Variants in CRAMP1 observed in about 807,000 individuals in gnomAD.
The protein encoded by CRAMP1 is cramped chromatin regulator 1, also known as protein cramped-like.
A neutral mutation model predicts 115.4 loss-of-function variants in CRAMP1; 50 were observed. That is an observed-to-expected ratio of 0.43 (90% CI 0.35 to 0.55). The LOEUF (loss-of-function observed/expected upper bound fraction) is 0.55, where lower values mean the gene tolerates loss of function less well. Ranked by LOEUF, CRAMP1 falls within the 20% of genes least tolerant of loss-of-function variation. The probability of loss-of-function intolerance (pLI) is 0.01; values close to 1 mark genes in which losing one functional copy is unlikely to be tolerated. For missense variants in CRAMP1, 1,679 were observed against 1,721.7 expected (o/e 0.98, Z 0.44); for synonymous variants, 866 against 745.4 (o/e 1.16, Z -2.64).
In CRAMP1 at chr16:1,652,929, G is replaced by A. The variant is rs767637839; in HGVS notation, c.914-104G>A. On this transcript the variant is annotated intron_variant, in intron 7 of 20. Transcript: ENST00000397412. ...TGCTCTCCTTGCCTCTGTTTGCAAG[G>A]CCATCTGCTCACAGCTGATTTCACT... 22 of 1,373,804 alleles carry A rather than the reference G, an allele frequency of 1.6e-5. No individual in the cohort carries two copies. The African/African-American group carries it at 2.2e-4, about 13-fold the overall frequency. 85.1% of individuals were successfully genotyped at this position (1,373,804 alleles called of 1,614,324 possible). A position where few individuals can be genotyped will look rare whatever the true frequency, so the allele number is the denominator to read the frequency against.
chr16:1,621,978 C>T (rs532282171), intron 2 of CRAMP1, among the ~76,000 whole-genome samples: 3 of 152,288 alleles, frequency 2.0e-5, no homozygotes, highest in East Asian at 3.9e-4. Context: ...CTGTCTTCCC[C>T]TTCAGTCATC....
chr16:1,637,051 G>C (rs1188113181), intron 4 of CRAMP1, among the ~76,000 whole-genome samples: 5 of 152,318 alleles, frequency 3.3e-5, no homozygotes, highest in Admixed American at 1.3e-4. Context: ...CCAGCACTTT[G>C]GGAGGTTGAG....
chr16:1,651,325 TCACA>T (rs1298279062), intron 6 of CRAMP1, among the ~76,000 whole-genome samples: 1 of 146,494 alleles, frequency 6.8e-6, no homozygotes, highest in Non-Finnish European at 1.5e-5. Context: ...GACTGAGAGG[TCACA>T]CAGAGGTCAT....
At chr16:1,649,245 T>C (rs2036702467) in intron 6 of CRAMP1, among the ~76,000 whole-genome samples, 2 of 152,128 alleles carry the variant, frequency 1.3e-5, no homozygotes, top group Admixed American at 1.3e-4. Context: ...TTTGGTATCC[T>C]GTGTTTGATT....
At chr16:1,661,768 G>A (rs922183465) in intron 11 of CRAMP1, among the ~76,000 whole-genome samples, 2 of 151,996 alleles carry the variant, frequency 1.3e-5, no homozygotes, top group Non-Finnish European at 1.5e-5. Context: ...GGTAATTTTT[G>A]TTTTCAGTAG....
chr16:1,653,129 A>G lies in CRAMP1; in HGVS notation c.1010A>G (p.Gln337Arg). ...PRNNHAWARVQSLAQNPRLRM... is the reference protein window; with the variant it reads ...PRNNHAWARVRSLAQNPRLRM... ...AACAACCACGCCTGGGCCCGTGTGC[A>G]GAGCCTTGCCCAGAACCCACGCCTC... is the stretch of plus-strand genomic sequence containing the variant. The change falls in exon 8 of 21, where the codon CAG (glutamine) becomes CGG (arginine). Residue 337 changes from glutamine (Q) to arginine (R), a missense_variant. Gln to Arg is a conservative substitution (Grantham distance 43). Transcript: ENST00000397412. 1 of 1,610,772 alleles carries G rather than the reference A, an allele frequency of 6.2e-7. No homozygotes were observed.
Position 1,656,757 on chromosome 16 carries a change from G to A in CRAMP1, c.2000G>A (p.Ser667Asn). The A allele has an allele frequency of 6.5e-7, 1 of 1,548,300 alleles. No homozygotes were observed. Among genetic ancestry groups the A allele is most frequent in the Non-Finnish European group, 8.7e-7 (1 of 1,145,438 alleles). ...AARPPKEVPA[S>N]RLAQQLREEG... ...AGGCCCCCGAAGGAGGTCCCCGCCAGCCGGCTGGCTCAGCAGCTCCGTGAG... is the reference window on the plus strand; with the variant it reads ...AGGCCCCCGAAGGAGGTCCCCGCCAACCGGCTGGCTCAGCAGCTCCGTGAG... Residue 667 changes from serine to asparagine, a missense_variant, in exon 10 of 21, where the codon AGC becomes AAC. Physicochemically the swap from Ser to Asn is conservative, Grantham distance 46. Transcript: ENST00000397412. This position sits in a 1 kb window ranked among gnomAD's most constrained non-coding sequence, Gnocchi z 5.6.
rs1243678608 is a variant in CRAMP1 at position 1,656,885 on chromosome 16, C to T, written c.2128C>T (p.Pro710Ser). 1 of 1,551,022 alleles carries T rather than the reference C, an allele frequency of 6.4e-7. No individual in the cohort carries two copies. ...KLQLEYDWLGPGRQDPRPGSL... is the reference protein window; with the variant it reads ...KLQLEYDWLGSGRQDPRPGSL... ...GCAGCTGGAGTACGACTGGCTGGGGCCCGGCCGCCAGGACCCCCGCCCCGG... is the reference window on the plus strand; with the variant it reads ...GCAGCTGGAGTACGACTGGCTGGGGTCCGGCCGCCAGGACCCCCGCCCCGG... Residue 710 changes from proline (P) to serine (S), a missense_variant, in exon 10 of 21, where the codon CCC (proline) becomes TCC (serine). Pro to Ser is a moderately conservative substitution (Grantham distance 74, BLOSUM62 -1). Transcript: ENST00000397412. This position sits in a 1 kb window ranked among gnomAD's most constrained non-coding sequence, Gnocchi z 5.6.
intron 3 of CRAMP1, among the ~76,000 whole-genome samples, chr16:1,627,049 A>T (rs2142174249): frequency 6.6e-6 from 1 of 152,322 alleles, no homozygotes; most frequent in Non-Finnish European, 1.5e-5. Flanking sequence ...CTGTTGTCGT[A>T]AGTAACGCTG....
chr16:1,664,671 C>T (rs890901109), intron 13 of CRAMP1, among the ~76,000 whole-genome samples: 6 of 151,722 alleles, frequency 4.0e-5, no homozygotes, highest in South Asian at 2.1e-4. Context: ...CCCAGCTACT[C>T]GGGAGGCTGA....
intron 8 of CRAMP1, 104 bp downstream of exon 8, chr16:1,653,260 C>A: frequency 1.5e-6 from 2 of 1,329,312 alleles, no homozygotes; most frequent in Admixed American, 2.2e-5. Flanking sequence ...AGCAGGTCCA[C>A]CCCTATGCTC....
intron 2 of CRAMP1, among the ~76,000 whole-genome samples, chr16:1,624,636 T>G (rs751431194): frequency 2.0e-5 from 3 of 152,172 alleles, no homozygotes; most frequent in Non-Finnish European, 2.9e-5. Context: ...TGGAGTGCAG[T>G]GGCGCGATCT....
At chr16:1,634,607 G>C (rs939462853) in intron 4 of CRAMP1, among the ~76,000 whole-genome samples, 1 of 152,084 alleles carries the variant, frequency 6.6e-6, no homozygotes, top group African/African-American at 2.4e-5. Flanking sequence ...TCTCCTGTTC[G>C]TGCATCTTTG....
chr16:1,633,918 A>G (rs1018534936), intron 4 of CRAMP1, among the ~76,000 whole-genome samples: 13 of 152,060 alleles, frequency 8.5e-5, no homozygotes, highest in Non-Finnish European at 1.8e-4. Context: ...AAATACAAAA[A>G]TTAGCTGGGC....
Position 1,657,067 on chromosome 16 carries a change from G to A in CRAMP1, c.2235+75G>A, listed in dbSNP as rs1321165788. On this transcript the variant is annotated intron_variant, in intron 10 of 20. Transcript: ENST00000397412. Reference sequence around the variant, plus strand: ...CCAGCCTTGGAGGGCTCCCTGCTGGGTAGCTAGGGCCAGCACGGTTGGGGT... The same window carrying A: ...CCAGCCTTGGAGGGCTCCCTGCTGGATAGCTAGGGCCAGCACGGTTGGGGT... 93 of 1,318,648 alleles carry A rather than the reference G, an allele frequency of 7.1e-5. No individual in the cohort carries two copies. The Admixed American group carries it at 2.5e-3, about 35-fold the overall frequency. The allele number at this position is 1,318,648 out of a possible 1,614,324, so 81.7% of individuals were successfully genotyped here. A position where few individuals can be genotyped will look rare whatever the true frequency, so the allele number is the denominator to read the frequency against.
chr16:1,626,293 G>T, intron 3 of CRAMP1, 127 bp downstream of exon 3: 2 of 846,256 alleles, frequency 2.4e-6, no homozygotes. Context: ...CCCCCGCAGT[G>T]GCGGAGGCTG....
At chr16:1,642,896 C>G (rs1567453563) in intron 6 of CRAMP1, among the ~76,000 whole-genome samples, 1 of 152,222 alleles carries the variant, frequency 6.6e-6, no homozygotes, top group East Asian at 1.9e-4. Flanking sequence ...TGCCAAAACA[C>G]AGATGTGCTG....
At chr16:1,619,640 C>T (rs2036449825) in intron 2 of CRAMP1, among the ~76,000 whole-genome samples, 1 of 152,204 alleles carries the variant, frequency 6.6e-6, no homozygotes, top group Admixed American at 6.5e-5. Flanking sequence ...TTTATACAAA[C>T]AGTGGAGTTC....
At chr16:1,633,947 A>G (rs1425441073) in intron 4 of CRAMP1, among the ~76,000 whole-genome samples, 1 of 151,346 alleles carries the variant, frequency 6.6e-6, no homozygotes, top group Non-Finnish European at 1.5e-5. Flanking sequence ...GCACACCTGT[A>G]CTCCCAGCTA....
Sources: gnomAD v4.1 joint callset for allele counts (sites outside exome capture counted in the v4.1 genomes callset) on GRCh38, gnomAD v4.1.1 for gene constraint, Gnocchi (gnomAD v3.1) non-coding constraint, MANE v1.5 for transcripts, NCBI Gene and HGNC (gene_info 2026-07-23, HGNC 2026-07-21) for gene names.